HPSE2: variants seen among roughly 807,000 people sequenced by gnomAD.
The protein encoded by HPSE2 is inactive heparanase-2.
Under a neutral mutation model 60.5 loss-of-function variants are expected in HPSE2, and 38 were observed. That is an observed-to-expected ratio of 0.63 (90% CI 0.48 to 0.82). HPSE2 has a LOEUF of 0.82. Among genes scored for constraint, HPSE2 ranks in the 40% least tolerant of loss-of-function variants. HPSE2 has a pLI of 0.00. For synonymous variants in HPSE2, 295 were observed against 293.2 expected (o/e 1.01, Z -0.06); for missense variants, 713 against 740.4 (o/e 0.96, Z 0.43).
chr10:99,131,186 T>C (rs531278949), intron 3 of HPSE2, among the ~76,000 whole-genome samples: 1 of 152,302 alleles, frequency 6.6e-6, no homozygotes, highest in East Asian at 1.9e-4. Context: ...AGAAGGCACA[T>C]ACCTCAATGT....
At chr10:99,263,866 T>A in the HPSE2 span, among the ~76,000 whole-genome samples, 1 of 152,100 alleles carries the variant, frequency 6.6e-6, no homozygotes, top group African/African-American at 2.4e-5. Flanking sequence ...TGAAAATCCA[T>A]CCCCAGTCCA....
At chr10:99,232,619 G>A in intron 1 of HPSE2, 114 bp from the exon 2 acceptor site, 1 of 1,208,866 alleles carries the variant, frequency 8.3e-7, no homozygotes, top group Middle Eastern at 2.7e-4. Flanking sequence ...GGGGCTAGAG[G>A]CTCTGTGCCT....
chr10:98,990,327 C>T (rs1956492151), intron 3 of HPSE2, among the ~76,000 whole-genome samples: 1 of 152,206 alleles, frequency 6.6e-6, no homozygotes, highest in Non-Finnish European at 1.5e-5. Flanking sequence ...GATCATCAAG[C>T]ATTAGATTCT....
intron 3 of HPSE2, among the ~76,000 whole-genome samples, chr10:98,939,659 A>G (rs1589397484): frequency 7.0e-6 from 1 of 143,656 alleles, no homozygotes; most frequent in African/African-American, 2.8e-5. Flanking sequence ...CACTGTCAAC[A>G]TTAGACAGAT....
intron 9 of HPSE2, among the ~76,000 whole-genome samples, chr10:98,529,189 T>C (rs1943061569): frequency 6.6e-6 from 1 of 152,270 alleles, no homozygotes; most frequent in Non-Finnish European, 1.5e-5. Context: ...TAAATTGAAT[T>C]AAGCCTCTTT....
chr10:99,099,239 C>G (rs112256401), intron 3 of HPSE2, among the ~76,000 whole-genome samples: 1,717 of 152,314 alleles, frequency 0.011, 35 homozygotes, highest in African/African-American at 0.038. Flanking sequence ...ATTCCCTTTC[C>G]TAGCCAAGGG....
chr10:98,984,230 G>A (rs190598014), intron 3 of HPSE2, among the ~76,000 whole-genome samples: 8 of 152,316 alleles, frequency 5.3e-5, no homozygotes, highest in East Asian at 3.9e-4. Context: ...AGCCTAAATC[G>A]GAGGCACCCC....
intron 7 of HPSE2, among the ~76,000 whole-genome samples, chr10:98,632,495 G>C (rs905136597): frequency 2.6e-5 from 4 of 152,052 alleles, no homozygotes; most frequent in Non-Finnish European, 5.9e-5. Flanking sequence ...CTAAAACTTT[G>C]GTGTTCTTTG....
rs140458760 is a variant in HPSE2, at chr10:98,474,682, C to T, written c.1613+7954G>A. Among the ~76,000 whole-genome samples, 1,160 of 152,096 alleles carry T rather than the reference C, an allele frequency of 7.6e-3. 7 individuals are homozygous for T. Among genetic ancestry groups the T allele is most frequent in the East Asian group, 0.025 (130 of 5,180 alleles). On this transcript the variant is annotated intron_variant, in intron 11 of 11. Coordinates refer to ENST00000370552, the MANE Select transcript of HPSE2 (RefSeq NM_021828.5). ...GATGTGCATTTCTTCACAGAATAGG[C>T]AATAAGATTTTTGGTTCATAGGAGC...
chr10:99,287,513 G>T, the HPSE2 span, among the ~76,000 whole-genome samples: 4 of 152,080 alleles, frequency 2.6e-5, no homozygotes, highest in Admixed American at 6.6e-5. Flanking sequence ...GGGTGGCAGG[G>T]GTGTGTGGCT....
At chr10:98,866,345 A>G (rs1952587388) in intron 3 of HPSE2, among the ~76,000 whole-genome samples, 2 of 152,098 alleles carry the variant, frequency 1.3e-5, no homozygotes, top group Non-Finnish European at 2.9e-5. Flanking sequence ...AAGAATCCAA[A>G]AAAATGAAAA....
intron 2 of HPSE2, among the ~76,000 whole-genome samples, chr10:99,206,450 G>C (rs780910971): frequency 1.3e-5 from 2 of 151,848 alleles, no homozygotes; most frequent in African/African-American, 4.8e-5. Context: ...AAAATTAGCC[G>C]GGGGTGGTGG....
intron 9 of HPSE2, among the ~76,000 whole-genome samples, chr10:98,507,721 A>G (rs2133731486): frequency 6.6e-6 from 1 of 152,174 alleles, no homozygotes; most frequent in African/African-American, 2.4e-5. Context: ...GAATCAAATT[A>G]GAGTTCCATG....
chr10:98,899,463 A>G (rs1017938789), intron 3 of HPSE2, among the ~76,000 whole-genome samples: 1 of 152,200 alleles, frequency 6.6e-6, no homozygotes. Context: ...TTAAAACTCA[A>G]TAATATGAAA....
chr10:98,592,639 G>C (rs1945121379), intron 9 of HPSE2, among the ~76,000 whole-genome samples: 1 of 152,180 alleles, frequency 6.6e-6, no homozygotes, highest in East Asian at 1.9e-4. Flanking sequence ...GGTCCAGAGA[G>C]AGCCTAAACA....
At chr10:99,100,454 A>C (rs1425134363) in intron 3 of HPSE2, among the ~76,000 whole-genome samples, 1 of 152,218 alleles carries the variant, frequency 6.6e-6, no homozygotes, top group African/African-American at 2.4e-5. Context: ...AAAGAGTAAA[A>C]AGAAACAAAT....
intron 6 of HPSE2, among the ~76,000 whole-genome samples, chr10:98,683,669 T>TAA (rs987711603): frequency 3.3e-5 from 5 of 151,808 alleles, no homozygotes; most frequent in Middle Eastern, 3.2e-3. Flanking sequence ...AGAAAATATA[T>TAA]AAAAATTAGA....
the HPSE2 span, among the ~76,000 whole-genome samples, chr10:99,247,761 AG>A: frequency 1.3e-5 from 2 of 152,180 alleles, no homozygotes; most frequent in Non-Finnish European, 2.9e-5. Context: ...CCAATGTTGG[AG>A]GAAGAGCCTG....
chr10:99,211,976 T>C (rs1159704856), intron 2 of HPSE2, among the ~76,000 whole-genome samples: 1 of 152,052 alleles, frequency 6.6e-6, no homozygotes, highest in Non-Finnish European at 1.5e-5. Context: ...ATTCAAAATA[T>C]ATAAAGAACA....
Sources: gnomAD v4.1 joint callset for allele counts (sites outside exome capture counted in the v4.1 genomes callset) on GRCh38, gnomAD v4.1.1 for gene constraint, MANE v1.5 for transcripts, NCBI Gene and HGNC (gene_info 2026-07-23, HGNC 2026-07-21) for gene names.